Variants in ERBB4 observed in about 807,000 individuals in gnomAD.
The protein encoded by ERBB4 is erb-b2 receptor tyrosine kinase 4, also known as receptor tyrosine-protein kinase erbB-4.
Under a neutral mutation model 158.0 loss-of-function variants are expected in ERBB4, and 42 were observed. The observed-to-expected ratio is 0.27, with a 90% CI of 0.21 to 0.34. ERBB4 has a LOEUF of 0.34. Ranked by LOEUF, ERBB4 falls within the 10% of genes least tolerant of loss-of-function variation. ERBB4 has a pLI of 1.00. For missense variants in ERBB4, 1,333 were observed against 1,624.1 expected (o/e 0.82, Z 3.08); for synonymous variants, 583 against 558.7 (o/e 1.04, Z -0.61).
At chr2:211,745,730 C>CAAA (rs201484355) in intron 5 of ERBB4, among the ~76,000 whole-genome samples, 2 of 127,770 alleles carry the variant, frequency 1.6e-5, no homozygotes, top group African/African-American at 6.0e-5. Context: ...AAAACAAAAA[C>CAAA]AAAACAAAAA....
chr2:212,235,868 G>T (rs924960142), intron 1 of ERBB4, among the ~76,000 whole-genome samples: 1 of 152,146 alleles, frequency 6.6e-6, no homozygotes, highest in African/African-American at 2.4e-5. Context: ...GAGATTTTGG[G>T]CTGACACGAA....
intron 1 of ERBB4, among the ~76,000 whole-genome samples, chr2:212,229,239 CA>C (rs2083582318): frequency 6.6e-6 from 1 of 152,036 alleles, no homozygotes; most frequent in Non-Finnish European, 1.5e-5. Context: ...ACTGTAGAAG[CA>C]GATAATTAGA....
chr2:211,434,148 A>C (rs1399841078), intron 20 of ERBB4, among the ~76,000 whole-genome samples: 1 of 152,196 alleles, frequency 6.6e-6, no homozygotes, highest in East Asian at 1.9e-4. Context: ...CATTCTAATA[A>C]AAATATCATT....
chr2:211,477,846 A>T (rs1246848617), intron 20 of ERBB4, among the ~76,000 whole-genome samples: 1 of 152,152 alleles, frequency 6.6e-6, no homozygotes, highest in African/African-American at 2.4e-5. Context: ...CTGACCTATT[A>T]TTTATTAGAA....
intron 13 of ERBB4, among the ~76,000 whole-genome samples, chr2:211,674,616 G>A (rs894579973): frequency 1.1e-4 from 17 of 152,002 alleles, no homozygotes; most frequent in Admixed American, 5.2e-4. Context: ...ATTACATAAA[G>A]ACAGGTGATC....
Position 211,987,485 on chromosome 2 carries a change from C to T in ERBB4, c.235-39869G>A, listed in dbSNP as rs530851578. Among the ~76,000 whole-genome samples, 31 of 149,748 alleles carry T rather than the reference C, an allele frequency of 2.1e-4. No individual in the cohort carries two copies. In the East Asian group the frequency reaches 4.9e-3, roughly 24 times the overall value. ...AGATTAACTCAATGTTCAGGTTAAA[C>T]GAATCTTAAAGAAAAAAAGGAAGGG... is the stretch of plus-strand genomic sequence containing the variant. On this transcript the variant is annotated intron_variant, in intron 2 of 27. Coordinates refer to ENST00000342788, the MANE Select transcript of ERBB4 (RefSeq NM_005235.3).
intron 20 of ERBB4, among the ~76,000 whole-genome samples, chr2:211,519,314 T>C (rs2066127259): frequency 6.6e-6 from 1 of 152,200 alleles, no homozygotes; most frequent in Non-Finnish European, 1.5e-5. Flanking sequence ...ATCCTATTAA[T>C]ATAGACTGTA....
intron 1 of ERBB4, among the ~76,000 whole-genome samples, chr2:212,349,584 C>A (rs1300442968): frequency 6.6e-6 from 1 of 152,062 alleles, no homozygotes; most frequent in East Asian, 1.9e-4. Context: ...CTGATGTCCC[C>A]AAGAAAGCAG....
At chr2:212,477,701 T>G (rs1234774484) in intron 1 of ERBB4, among the ~76,000 whole-genome samples, 4 of 152,196 alleles carry the variant, frequency 2.6e-5, no homozygotes, top group Non-Finnish European at 5.9e-5. Flanking sequence ...TGTCTTTTTT[T>G]GTTCAGAGGC....
Position 211,410,235 on chromosome 2 carries a change from A to G in ERBB4, c.3135+10206T>C, listed in dbSNP as rs530883103. 1.1e-4 allele frequency among the ~76,000 whole-genome samples: 16 copies of G among 152,296 alleles called. No individual in the cohort carries two copies. The South Asian group carries it at 3.3e-3, about 32-fold the overall frequency. ...TGAATAATGTATTTGTTTTAAATGT[A>G]TATATATACACACATTGCCAATCTC... On this transcript the variant is annotated intron_variant, in intron 25 of 27. Coordinates refer to ENST00000342788, the MANE Select transcript of ERBB4 (RefSeq NM_005235.3).
intron 20 of ERBB4, among the ~76,000 whole-genome samples, chr2:211,509,475 C>A (rs2065836186): frequency 6.6e-6 from 1 of 151,832 alleles, no homozygotes. Flanking sequence ...AAATGTAAGA[C>A]CTCAAACTAA....
At chr2:212,054,348 C>T (rs1305402921) in intron 2 of ERBB4, among the ~76,000 whole-genome samples, 1 of 151,930 alleles carries the variant, frequency 6.6e-6, no homozygotes, top group African/African-American at 2.4e-5. Context: ...CAGATGTAGG[C>T]CACATAGGAT....
At chr2:211,701,630 C>T (rs62182963) in intron 12 of ERBB4, among the ~76,000 whole-genome samples, 4,362 of 151,798 alleles carry the variant, frequency 0.029, 155 homozygotes, top group African/African-American at 0.086. Flanking sequence ...CGGCGGCGGG[C>T]GCCTGTAGTC....
intron 3 of ERBB4, among the ~76,000 whole-genome samples, chr2:211,801,602 A>G (rs187634562): frequency 2.6e-5 from 4 of 152,276 alleles, no homozygotes; most frequent in East Asian, 1.9e-4. Context: ...TAGCACAAAC[A>G]AAAGGATATG....
chr2:211,889,589 C>G, intron 3 of ERBB4, among the ~76,000 whole-genome samples: 1 of 151,298 alleles, frequency 6.6e-6, no homozygotes. Flanking sequence ...AAGAAGGCTT[C>G]AGACGATCAA....
intron 25 of ERBB4, among the ~76,000 whole-genome samples, chr2:211,401,983 C>A (rs1324600503): frequency 2.0e-5 from 3 of 151,362 alleles, no homozygotes; most frequent in Admixed American, 6.6e-5. Context: ...TTTATCATAT[C>A]TAAAGAAAAT....
chr2:211,540,273 A>G (rs2066765642), intron 20 of ERBB4, among the ~76,000 whole-genome samples: 1 of 151,804 alleles, frequency 6.6e-6, no homozygotes, highest in South Asian at 2.1e-4. Context: ...CCTGTGCTGC[A>G]GGAAGCATTG....
chr2:211,682,541 A>T (rs2072393005), intron 12 of ERBB4, among the ~76,000 whole-genome samples: 1 of 152,182 alleles, frequency 6.6e-6, no homozygotes, highest in Non-Finnish European at 1.5e-5. Context: ...GTTGATATAT[A>T]AAATGAACAA....
intron 1 of ERBB4, among the ~76,000 whole-genome samples, chr2:212,464,448 A>G (rs75749972): frequency 0.021 from 3,143 of 152,210 alleles, 37 homozygotes; most frequent in South Asian, 0.039. Context: ...TAAACAGGTA[A>G]GAACAGATTT....
Sources: gnomAD v4.1 joint callset for allele counts (sites outside exome capture counted in the v4.1 genomes callset) on GRCh38, gnomAD v4.1.1 for gene constraint, MANE v1.5 for transcripts, NCBI Gene and HGNC (gene_info 2026-07-23, HGNC 2026-07-21) for gene names.